CALN1: variants seen among roughly 807,000 people sequenced by gnomAD.
CALN1 encodes the protein calneuron 1.
CALN1 carries 17 observed loss-of-function variants against 30.6 expected under a neutral mutation model. The ratio of observed to expected loss-of-function variants is 0.56; its 90% CI spans 0.38 to 0.83. The LOEUF is 0.83. Ranked by LOEUF, CALN1 falls within the 40% of genes least tolerant of loss-of-function variation. CALN1 has a pLI of 0.00. For synonymous variants in CALN1, 156 were observed against 131.4 expected (o/e 1.19, Z -1.28); for missense variants, 291 against 354.9 (o/e 0.82, Z 1.45).
At chr7:72,320,031 G>A (rs1800764313) in intron 2 of CALN1, among the ~76,000 whole-genome samples, 2 of 152,158 alleles carry the variant, frequency 1.3e-5, no homozygotes, top group African/African-American at 4.8e-5. Flanking sequence ...TGAGACAGGA[G>A]AATCACTTGA....
chr7:72,158,686 C>A (rs928082300), intron 3 of CALN1, among the ~76,000 whole-genome samples: 2 of 152,108 alleles, frequency 1.3e-5, no homozygotes, highest in Non-Finnish European at 2.9e-5. Context: ...ATCTGCAAGT[C>A]GTGCTGAGAA....
At chr7:72,203,975 C>CTTT (rs1562730767) in intron 3 of CALN1, among the ~76,000 whole-genome samples, 22 of 101,580 alleles carry the variant, frequency 2.2e-4, no homozygotes, top group African/African-American at 1.1e-3. Flanking sequence ...TAAGAGGCCT[C>CTTT]TCTCTTTTTT....
rs1406149393 is a variant in CALN1, at chr7:71,847,732, GA to G, written c.502-37241del. Among the ~76,000 whole-genome samples, 177 of 122,528 alleles carry G rather than the reference GA, an allele frequency of 1.4e-3. 1 individual carries two copies. Among genetic ancestry groups the G allele is most frequent in the African/African-American group, 5.0e-3 (168 of 33,826 alleles). The allele number at this position is 122,528 out of a possible 152,430, so 80.4% of individuals were successfully genotyped here. On this transcript the variant is annotated intron_variant, in intron 5 of 6. Transcript: ENST00000395275. ...AGAAAGAAGAAAGAAGAAGAAAGAA[GA>G]AAGAAGAAAGAAGAAGAAAGAAGAA...
intron 3 of CALN1, among the ~76,000 whole-genome samples, chr7:72,229,622 G>C (rs1054671723): frequency 7.9e-5 from 12 of 151,996 alleles, no homozygotes; most frequent in Non-Finnish European, 1.6e-4. Context: ...ATGAGTTCAT[G>C]TCCTTTGCAG....
At chr7:72,159,622 A>C (rs2129544732) in intron 3 of CALN1, among the ~76,000 whole-genome samples, 1 of 152,168 alleles carries the variant, frequency 6.6e-6, no homozygotes, top group South Asian at 2.1e-4. Flanking sequence ...ACATGGTGAA[A>C]CCCCACCTCC....
chr7:72,050,907 G>C (rs551080147), intron 4 of CALN1, among the ~76,000 whole-genome samples: 1 of 151,864 alleles, frequency 6.6e-6, no homozygotes, highest in African/African-American at 2.4e-5. Flanking sequence ...CAGGAGAATC[G>C]CATGAACCCA....
At chr7:72,451,878 C>T (rs1465620207), upstream of CALN1, among the ~76,000 whole-genome samples, 1 of 151,770 alleles carries the variant, frequency 6.6e-6, no homozygotes, top group Admixed American at 6.6e-5. Context: ...CTAAGAAACT[C>T]TATTTTGGGG....
At position 72,292,038 on chromosome 7, in the gene CALN1, G is replaced by A. The variant is rs565224843; in HGVS notation, c.120-13228C>T. ...AAAGAATTTCAACATATGACTTTTG[G>A]GGAAACACAAACATTTAGTCCATGA... is the stretch of plus-strand genomic sequence containing the variant. On this transcript the variant is annotated intron_variant, in intron 2 of 6. Coordinates refer to ENST00000395275, the MANE Select transcript of CALN1 (RefSeq NM_031468.4). Among the ~76,000 whole-genome samples the A allele has an allele frequency of 1.3e-3, 192 of 152,002 alleles. 1 individual carries two copies. Among genetic ancestry groups the A allele is most frequent in the Non-Finnish European group, 1.8e-3 (123 of 67,990 alleles).
At chr7:72,395,357 G>GCACA (rs368564724) in intron 2 of CALN1, among the ~76,000 whole-genome samples, 4,580 of 150,260 alleles carry the variant, frequency 0.03, 74 homozygotes, top group Middle Eastern at 0.065. Flanking sequence ...GCGCACGCGC[G>GCACA]CGCACACACA....
chr7:72,135,971 A>T (rs1163226162), intron 3 of CALN1, among the ~76,000 whole-genome samples: 1 of 151,930 alleles, frequency 6.6e-6, no homozygotes, highest in Admixed American at 6.6e-5. Context: ...CATCTCTACT[A>T]AAACTACAAA....
chr7:72,059,947 T>C (rs1009589956), intron 4 of CALN1, among the ~76,000 whole-genome samples: 2 of 145,820 alleles, frequency 1.4e-5, no homozygotes, highest in African/African-American at 2.4e-5. Context: ...TAAGTTGTAG[T>C]AGCAGGTGAT....
At chr7:72,449,007 G>A (rs1808605348), upstream of CALN1, among the ~76,000 whole-genome samples, 3 of 152,164 alleles carry the variant, frequency 2.0e-5, no homozygotes, top group South Asian at 6.2e-4. Context: ...GCCTTGGAGT[G>A]AGTGTCAGGG....
At chr7:72,504,089 T>C in the CALN1 span, among the ~76,000 whole-genome samples, 49 of 152,318 alleles carry the variant, frequency 3.2e-4, no homozygotes, top group African/African-American at 1.1e-3. Context: ...CACATGCCCC[T>C]GTCCCGAAGT....
At chr7:72,411,554 G>A (rs374316849) in intron 1 of CALN1, among the ~76,000 whole-genome samples, 9 of 152,158 alleles carry the variant, frequency 5.9e-5, no homozygotes, top group African/African-American at 2.2e-4. Context: ...AAGACGTCAA[G>A]GTAATAAAAC....
intron 5 of CALN1, among the ~76,000 whole-genome samples, chr7:71,840,488 A>T (rs1789873914): frequency 1.5e-5 from 1 of 66,342 alleles, no homozygotes; most frequent in African/African-American, 4.7e-5. Context: ...CTCTCTTTAA[A>T]AAAAAAAAAA....
chr7:72,128,831 C>T lies in CALN1; in HGVS notation c.245-22537G>A, dbSNP rs548705495. 2.8e-4 allele frequency among the ~76,000 whole-genome samples: 43 copies of T among 152,236 alleles called. 1 individual carries two copies. Among genetic ancestry groups the T allele is most frequent in the South Asian group, 2.5e-3 (12 of 4,818 alleles). ...AGGTTTCAGTGAGCTGAGATCGGGC[C>T]GCTGCACTTCAGCCTGGGCAACAAG... is the stretch of plus-strand genomic sequence containing the variant. On this transcript the variant is annotated intron_variant, in intron 3 of 6. Coordinates refer to ENST00000395275, the MANE Select transcript of CALN1 (RefSeq NM_031468.4).
intron 3 of CALN1, among the ~76,000 whole-genome samples, chr7:72,213,315 G>C (rs1368297597): frequency 1.3e-5 from 2 of 152,212 alleles, no homozygotes; most frequent in Non-Finnish European, 2.9e-5. Context: ...GGAATTTTCT[G>C]AATTATTTGC....
chr7:71,827,782 ATAAATAAAT>A (rs1789013155), intron 5 of CALN1, among the ~76,000 whole-genome samples: 2 of 147,970 alleles, frequency 1.4e-5, no homozygotes, highest in African/African-American at 5.0e-5. Flanking sequence ...AAAAAAATAA[ATAAATAAAT>A]AAATAAATAA....
At chr7:72,451,270 AGGAG>A (rs1808657474), upstream of CALN1, among the ~76,000 whole-genome samples, 1 of 149,060 alleles carries the variant, frequency 6.7e-6, no homozygotes, top group African/African-American at 2.5e-5. Flanking sequence ...GAGGAGGAGA[AGGAG>A]GAAGAAGGGG....
Sources: gnomAD v4.1 joint callset for allele counts (sites outside exome capture counted in the v4.1 genomes callset) on GRCh38, gnomAD v4.1.1 for gene constraint, MANE v1.5 for transcripts, NCBI Gene and HGNC (gene_info 2026-07-23, HGNC 2026-07-21) for gene names.